PPARGC1A: variants seen among roughly 807,000 people sequenced by gnomAD.
PPARGC1A encodes PPARG coactivator 1 alpha, also known as peroxisome proliferator-activated receptor gamma coactivator 1-alpha.
In PPARGC1A, 25 loss-of-function variants were observed where a neutral mutation model predicts 88.7. That is an observed-to-expected ratio of 0.28 (90% CI 0.21 to 0.39). The LOEUF (loss-of-function observed/expected upper bound fraction) is 0.39, where lower values mean the gene tolerates loss of function less well. Ranked by LOEUF, PPARGC1A falls within the 10% of genes least tolerant of loss-of-function variation. The pLI is 1.00. For missense variants in PPARGC1A, 880 were observed against 968.7 expected (o/e 0.91, Z 1.22); for synonymous variants, 363 against 355.6 (o/e 1.02, Z -0.24).
the PPARGC1A span, among the ~76,000 whole-genome samples, chr4:24,015,543 T>A: frequency 6.6e-6 from 1 of 152,170 alleles, no homozygotes; most frequent in Non-Finnish European, 1.5e-5. Flanking sequence ...ATCCTAGATC[T>A]GGCTTTTATT....
chr4:24,289,161 G>A, the PPARGC1A span, among the ~76,000 whole-genome samples: 110 of 148,128 alleles, frequency 7.4e-4, 1 homozygote, highest in Middle Eastern at 3.6e-3. Flanking sequence ...CGGAGGTTGC[G>A]GTGAGCCAAG....
the PPARGC1A span, among the ~76,000 whole-genome samples, chr4:24,219,248 A>G: frequency 6.6e-6 from 1 of 152,188 alleles, no homozygotes; most frequent in South Asian, 2.1e-4. Context: ...CAGCACACCA[A>G]CGGGGTGGTC....
At chr4:24,069,935 G>C in the PPARGC1A span, among the ~76,000 whole-genome samples, 1 of 152,168 alleles carries the variant, frequency 6.6e-6, no homozygotes, top group Admixed American at 6.5e-5. Flanking sequence ...GCCTGGCTGA[G>C]CAGAAAGAGC....
the PPARGC1A span, among the ~76,000 whole-genome samples, chr4:24,445,343 G>A: frequency 6.6e-6 from 1 of 152,124 alleles, no homozygotes; most frequent in Admixed American, 6.5e-5. Flanking sequence ...TCATTTAAAC[G>A]TTTCCTAAAC....
At chr4:23,875,060 A>G (rs577495326) in intron 2 of PPARGC1A, among the ~76,000 whole-genome samples, 4 of 152,350 alleles carry the variant, frequency 2.6e-5, no homozygotes, top group South Asian at 2.1e-4. Context: ...ACCTTGACCA[A>G]CTTTGCGGTG....
the PPARGC1A span, among the ~76,000 whole-genome samples, chr4:24,055,932 A>T: frequency 1.3e-5 from 2 of 152,248 alleles, no homozygotes; most frequent in Non-Finnish European, 2.9e-5. Context: ...AGGTTGAACC[A>T]GAGAGAGCAG....
At chr4:24,028,110 G>A in the PPARGC1A span, among the ~76,000 whole-genome samples, 1 of 134,010 alleles carries the variant, frequency 7.5e-6, no homozygotes, top group East Asian at 2.6e-4. Flanking sequence ...TGGACCCCAA[G>A]GCTCCTCAAG....
the PPARGC1A span, among the ~76,000 whole-genome samples, chr4:24,421,467 A>C: frequency 2.0e-5 from 3 of 152,022 alleles, no homozygotes; most frequent in East Asian, 3.9e-4. Context: ...CCCGCCATCA[A>C]GTCCGGCTAA....
At chr4:24,164,223 T>C in the PPARGC1A span, among the ~76,000 whole-genome samples, 1 of 152,114 alleles carries the variant, frequency 6.6e-6, no homozygotes, top group African/African-American at 2.4e-5. Flanking sequence ...GAAAGGAAGT[T>C]GAATGAGTCA....
the PPARGC1A span, among the ~76,000 whole-genome samples, chr4:24,467,058 GAAAGAGAA>G: frequency 2.4e-5 from 3 of 125,768 alleles, no homozygotes; most frequent in African/African-American, 6.0e-5. Flanking sequence ...GAAAAAGAAA[GAAAGAGAA>G]AGAAAGAAAG....
the PPARGC1A span, among the ~76,000 whole-genome samples, chr4:24,121,157 G>GA: frequency 6.6e-6 from 1 of 152,220 alleles, no homozygotes; most frequent in South Asian, 2.1e-4. Context: ...GGCTGGATCA[G>GA]AAGCCCAAGC....
At chr4:23,812,229 C>A (rs1560345307) in intron 10 of PPARGC1A, among the ~76,000 whole-genome samples, 1 of 152,028 alleles carries the variant, frequency 6.6e-6, no homozygotes, top group African/African-American at 2.4e-5. Context: ...AGGCATGAGC[C>A]ATCGTGCCTG....
chr4:24,122,905 C>A, the PPARGC1A span, among the ~76,000 whole-genome samples: 1 of 152,122 alleles, frequency 6.6e-6, no homozygotes, highest in East Asian at 1.9e-4. Context: ...CACAAGAAGA[C>A]CCCGGGATAA....
At chr4:24,121,464 C>T in the PPARGC1A span, among the ~76,000 whole-genome samples, 1 of 152,060 alleles carries the variant, frequency 6.6e-6, no homozygotes, top group Non-Finnish European at 1.5e-5. Context: ...GTAGCGACCA[C>T]GTGAATATCA....
At chr4:23,807,289 A>T (rs1288562580) in intron 10 of PPARGC1A, among the ~76,000 whole-genome samples, 2 of 152,334 alleles carry the variant, frequency 1.3e-5, no homozygotes, top group African/African-American at 4.8e-5. Flanking sequence ...AATATTGATT[A>T]TCTAACCTAA....
At chr4:24,221,627 G>T in the PPARGC1A span, among the ~76,000 whole-genome samples, 1 of 152,106 alleles carries the variant, frequency 6.6e-6, no homozygotes, top group Non-Finnish European at 1.5e-5. Context: ...GTAAGTTTTG[G>T]CTGACTGCAG....
At chr4:24,238,727 A>G in the PPARGC1A span, among the ~76,000 whole-genome samples, 1,297 of 149,132 alleles carry the variant, frequency 8.7e-3, 92 homozygotes, top group East Asian at 0.18. Context: ...AGTGAATCCT[A>G]TCAATCCAAG....
At chr4:23,935,047 G>C in the PPARGC1A span, among the ~76,000 whole-genome samples, 1 of 152,142 alleles carries the variant, frequency 6.6e-6, no homozygotes, top group Non-Finnish European at 1.5e-5. Context: ...CATGCTTGTG[G>C]TTTGGCTCCC....
chr4:24,412,378 T>G, the PPARGC1A span, among the ~76,000 whole-genome samples: 1 of 152,116 alleles, frequency 6.6e-6, no homozygotes. Flanking sequence ...AATGTTCATA[T>G]TTTTTAATGG....
Sources: allele counts gnomAD v4.1 joint callset (sites outside exome capture counted in the v4.1 genomes callset), GRCh38; gene constraint gnomAD v4.1.1; transcripts MANE v1.5; gene names NCBI Gene and HGNC (gene_info 2026-07-23, HGNC 2026-07-21).